Variants in RTRAF observed in about 807,000 individuals in gnomAD.
RTRAF encodes tRNA-splicing ligase complex subunit RTRAF.
A neutral mutation model predicts 34.4 loss-of-function variants in RTRAF; 14 were observed. The ratio of observed to expected loss-of-function variants is 0.41; its 90% CI spans 0.27 to 0.64. The LOEUF (loss-of-function observed/expected upper bound fraction) is 0.64. RTRAF is among the 30% of genes least tolerant of loss of function. RTRAF has a pLI of 0.34. For synonymous variants in RTRAF, 96 were observed against 95.3 expected, an observed-to-expected ratio of 1.01 and a Z score of -0.04; for missense variants, 291 against 288.4, an observed-to-expected ratio of 1.01 and a Z score of -0.06.
chr14:52,005,867 G>C lies in RTRAF; in HGVS notation c.*1351G>C, dbSNP rs775894651. Reference sequence around the variant, plus strand: ...CACCATCCCTGGTAACAGAAAGGAAGAGTGAATTCAGGGACAGTCATTTAC... The same window carrying C: ...CACCATCCCTGGTAACAGAAAGGAACAGTGAATTCAGGGACAGTCATTTAC... On this transcript the variant is annotated 3_prime_UTR_variant, in exon 8 of 8. Transcript: ENST00000261700. 7.7e-6 allele frequency: 12 copies of C among 1,555,372 alleles called. No individual in the cohort carries two copies. The African/African-American group carries it at 1.6e-4, about 21-fold the overall frequency.
chr14:51,990,975 A>G (rs1352795382), intron 1 of RTRAF, among the ~76,000 whole-genome samples: 4 of 152,200 alleles, frequency 2.6e-5, no homozygotes, highest in Non-Finnish European at 5.9e-5. Context: ...TTATTTAAGA[A>G]ACTTCTTAAA....
chr14:52,003,354 G>A (rs765333335), intron 6 of RTRAF, among the ~76,000 whole-genome samples: 2 of 152,014 alleles, frequency 1.3e-5, no homozygotes, highest in Non-Finnish European at 2.9e-5. Context: ...TTGTGCTTTC[G>A]TACCCATTGG....
At chr14:52,001,981 G>C (rs1890608303) in intron 6 of RTRAF, 115 bp downstream of exon 6, 1 of 916,782 alleles carries the variant, frequency 1.1e-6, no homozygotes, top group African/African-American at 1.7e-5. Context: ...CTACAACTTA[G>C]AGAAAGGATA....
Position 52,005,558 on chromosome 14 carries a change from A to G in RTRAF, c.*1042A>G, listed in dbSNP as rs973330059. 16 of 1,561,262 alleles carry G rather than the reference A, an allele frequency of 1.0e-5. No homozygotes were observed. Among genetic ancestry groups the G allele is most frequent in the Non-Finnish European group, 1.3e-5 (15 of 1,148,612 alleles). On this transcript the variant is annotated 3_prime_UTR_variant, in exon 8 of 8. Transcript: ENST00000261700. Reference sequence around the variant, plus strand: ...GTGAGTATATTGTAACCAAGTTGCAACAGCAAGTCTTTGCATTTTGTGTAT... The same window carrying G: ...GTGAGTATATTGTAACCAAGTTGCAGCAGCAAGTCTTTGCATTTTGTGTAT...
At chr14:52,003,189 G>A (rs1890633556) in intron 6 of RTRAF, among the ~76,000 whole-genome samples, 2 of 152,192 alleles carry the variant, frequency 1.3e-5, no homozygotes, top group Admixed American at 6.5e-5. Flanking sequence ...ACAGTCTAGT[G>A]TACTTATAAG....
chr14:52,001,294 T>C (rs1267032501), intron 5 of RTRAF, among the ~76,000 whole-genome samples: 1 of 152,206 alleles, frequency 6.6e-6, no homozygotes, highest in Non-Finnish European at 1.5e-5. Context: ...CCTTGGTGAT[T>C]AAAACCACCA....
chr14:52,001,241 A>C (rs1890597621), intron 5 of RTRAF, among the ~76,000 whole-genome samples: 1 of 152,044 alleles, frequency 6.6e-6, no homozygotes, highest in Admixed American at 6.6e-5. Flanking sequence ...TTGATTTTTA[A>C]GTGTGTATGG....
intron 3 of RTRAF, 131 bp downstream of exon 3, chr14:51,993,953 A>G: frequency 3.6e-6 from 2 of 551,058 alleles, no homozygotes; most frequent in Non-Finnish European, 6.3e-6. Flanking sequence ...ATCACAAGTT[A>G]AAAGCACTTT....
chr14:51,998,660 G>C, intron 4 of RTRAF, 80 bp downstream of exon 4: 1 of 833,804 alleles, frequency 1.2e-6, no homozygotes, highest in Non-Finnish European at 1.9e-6. Context: ...ATGAAGTCCA[G>C]GTTTACTTGG....
intron 6 of RTRAF, among the ~76,000 whole-genome samples, chr14:52,003,301 T>C (rs1470715084): frequency 6.6e-6 from 1 of 152,146 alleles, no homozygotes; most frequent in Admixed American, 6.5e-5. Context: ...TAGATGAACA[T>C]ATAAAGCCAC....
At chr14:51,999,853 A>G in intron 5 of RTRAF, 57 bp downstream of exon 5, 1 of 1,208,238 alleles carries the variant, frequency 8.3e-7, no homozygotes, top group South Asian at 1.4e-5. Flanking sequence ...AAATGTCTTT[A>G]TTTTCTAAAT....
Position 52,010,098 on chromosome 14 carries a change from GAATAGAGA to G in RTRAF, c.*5584_*5591del, listed in dbSNP as rs1229128839. 1.3e-5 allele frequency: 2 copies of G among 152,230 alleles called. No homozygotes were observed. Among genetic ancestry groups the G allele is most frequent in the African/African-American group, 4.8e-5 (2 of 41,460 alleles). 9.4% of individuals were successfully genotyped at this position (152,230 alleles called of 1,614,324 possible). A position where few individuals can be genotyped will look rare whatever the true frequency, so the allele number is the denominator to read the frequency against. ...CTATTAATTCCTGTTAAGTCAACTG[GAATAGAGA>G]AGGATACAGGTACTTTTCCTGTGTG... is the stretch of plus-strand genomic sequence containing the variant. On this transcript the variant is annotated 3_prime_UTR_variant, in exon 8 of 8. Transcript: ENST00000261700.
chr14:52,002,869 T>C lies in RTRAF; in HGVS notation c.531+1003T>C, dbSNP rs148934027. 4.6e-5 allele frequency among the ~76,000 whole-genome samples: 7 copies of C among 152,354 alleles called. No homozygotes were observed. In the East Asian group the frequency reaches 1.4e-3, roughly 29 times the overall value. Reference sequence around the variant, plus strand: ...CCAGGGCAGTATCTCTGAAAGACACTGTTTTCTTTTAAAGGTTCTTACTGG... The same window carrying C: ...CCAGGGCAGTATCTCTGAAAGACACCGTTTTCTTTTAAAGGTTCTTACTGG... On this transcript the variant is annotated intron_variant, in intron 6 of 7. Transcript: ENST00000261700.
chr14:52,009,626 C>A lies in RTRAF; in HGVS notation c.*5110C>A, dbSNP rs1469452156. ...TCAGCTTAAAAGTATGCTTTTTCCC[C>A]AGACTCCAGAGACATGGCCAAAGTT... On this transcript the variant is annotated 3_prime_UTR_variant, in exon 8 of 8. Coordinates refer to ENST00000261700, the MANE Select transcript of RTRAF (RefSeq NM_016039.3). 2.6e-5 allele frequency: 4 copies of A among 152,124 alleles called. No individual in the cohort carries two copies. The highest frequency in any genetic ancestry group is 9.7e-5 in the African/African-American group (4 of 41,418). The allele number at this position is 152,124 out of a possible 1,614,324, so 9.4% of individuals were successfully genotyped here.
chr14:51,989,893 C>G (rs112909263), intron 1 of RTRAF, among the ~76,000 whole-genome samples, 193 bp downstream of exon 1: 21 of 152,346 alleles, frequency 1.4e-4, no homozygotes, highest in African/African-American at 4.8e-4. Flanking sequence ...AGCCCTCTCA[C>G]CTACTCCTGT....
intron 4 of RTRAF, 22 bp downstream of exon 4, chr14:51,998,602 A>G (rs763428379): frequency 6.9e-7 from 1 of 1,446,972 alleles, no homozygotes; most frequent in African/African-American, 1.5e-5. Context: ...AATGCATAAC[A>G]TTGAACATCA....
At chr14:52,003,475 C>A (rs758357295) in intron 6 of RTRAF, among the ~76,000 whole-genome samples, 1 of 151,954 alleles carries the variant, frequency 6.6e-6, no homozygotes, top group Non-Finnish European at 1.5e-5. Flanking sequence ...TGAATAGTAA[C>A]AGGTTGTAAC....
rs749260099 is a variant in RTRAF at position 52,001,844 on chromosome 14, C to G, written c.509C>G (p.Ala170Gly). ...GAGCGCCTGACACAGGATGCAGTTGCTAAGGCAAATCAAACAAAAGAGGTA... is the reference window on the plus strand; with the variant it reads ...GAGCGCCTGACACAGGATGCAGTTGGTAAGGCAAATCAAACAAAAGAGGTA... ...VQERLTQDAV[A>G]KANQTKEGLP... Residue 170 changes from alanine (A) to glycine (G), a missense_variant, in exon 6 of 8, where the codon GCT becomes GGT. Ala to Gly is a moderately conservative substitution (Grantham distance 60). Transcript: ENST00000261700. The G allele has an allele frequency of 1.7e-5, 28 of 1,608,950 alleles. No individual in the cohort carries two copies. Among genetic ancestry groups the G allele is most frequent in the Non-Finnish European group, 2.4e-5 (28 of 1,178,708 alleles).
In RTRAF at chr14:51,989,633, G is replaced by A. The variant is rs1453400289; in HGVS notation, c.-7G>A. 12 of 1,601,704 alleles carry A rather than the reference G, an allele frequency of 7.5e-6. No homozygotes were observed. In the Admixed American group the frequency reaches 1.9e-4, roughly 25 times the overall value. On this transcript the variant is annotated 5_prime_UTR_variant, in exon 1 of 8. Coordinates refer to ENST00000261700, the MANE Select transcript of RTRAF (RefSeq NM_016039.3). ...GGCCCGGGGGACCAGAGCGAGAAGCGGGGACCATGTTCCGACGCAAGTTGA... is the reference window on the plus strand; with the variant it reads ...GGCCCGGGGGACCAGAGCGAGAAGCAGGGACCATGTTCCGACGCAAGTTGA...
Sources: allele counts gnomAD v4.1 joint callset (sites outside exome capture counted in the v4.1 genomes callset), GRCh38; gene constraint gnomAD v4.1.1; transcripts MANE v1.5; gene names NCBI Gene and HGNC (gene_info 2026-07-23, HGNC 2026-07-21).